SUGCT: variants seen among roughly 807,000 people sequenced by gnomAD.
SUGCT encodes succinyl-CoA:glutarate-CoA transferase.
Under a neutral mutation model 55.0 loss-of-function variants are expected in SUGCT, and 41 were observed. The observed-to-expected ratio is 0.74, with a 90% CI of 0.58 to 0.97. The LOEUF is 0.97. SUGCT is among the 50% of genes least tolerant of loss of function. SUGCT has a pLI of 0.00. For missense variants in SUGCT, 568 were observed against 547.8 expected (o/e 1.04, Z -0.37); for synonymous variants, 187 against 200.4 (o/e 0.93, Z 0.56).
chr7:40,570,963 G>A (rs968979127), intron 12 of SUGCT, among the ~76,000 whole-genome samples: 2 of 144,600 alleles, frequency 1.4e-5, no homozygotes, highest in Middle Eastern at 3.7e-3. Context: ...GGATTCAAGC[G>A]ATTCTCCTGC....
At chr7:40,232,441 T>C (rs1177849451) in intron 6 of SUGCT, among the ~76,000 whole-genome samples, 1 of 152,192 alleles carries the variant, frequency 6.6e-6, no homozygotes, top group Non-Finnish European at 1.5e-5. Context: ...ATTCAATTAC[T>C]TTCTTCTGAG....
intron 12 of SUGCT, among the ~76,000 whole-genome samples, chr7:40,612,110 A>G (rs1360268852): frequency 6.6e-6 from 1 of 151,114 alleles, no homozygotes; most frequent in Non-Finnish European, 1.5e-5. Context: ...TATGTTCATG[A>G]TGTCTCTTGT....
rs551923095 is a variant in SUGCT at position 40,463,163 on chromosome 7, T to C, written c.986+3965T>C. 5.3e-4 allele frequency among the ~76,000 whole-genome samples: 80 copies of C among 152,336 alleles called. 3 individuals carry two copies. The South Asian group carries it at 0.016, about 31-fold the overall frequency. On this transcript the variant is annotated intron_variant, in intron 11 of 13. Coordinates refer to ENST00000335693, the MANE Select transcript of SUGCT (RefSeq NM_001193313.2). ...TTTCCTTTAATACTTATAGACACTT[T>C]CCTTGCCTGATATTTTTATTTTAGA...
the SUGCT span, among the ~76,000 whole-genome samples, chr7:41,011,825 A>G: frequency 6.6e-6 from 1 of 152,194 alleles, no homozygotes. Flanking sequence ...ATTTTTGTAT[A>G]CAGATAGATG....
At chr7:40,349,977 T>G (rs1797529290) in intron 9 of SUGCT, among the ~76,000 whole-genome samples, 1 of 152,182 alleles carries the variant, frequency 6.6e-6, no homozygotes, top group Non-Finnish European at 1.5e-5. Flanking sequence ...TGTGAGCCAC[T>G]GCACCCAGCT....
intron 9 of SUGCT, among the ~76,000 whole-genome samples, chr7:40,377,194 CTTTCTTTTCTTTTCT>C (rs1562728590): frequency 7.9e-4 from 6 of 7,568 alleles, no homozygotes; most frequent in Non-Finnish European, 7.4e-3. Flanking sequence ...TTCTTTCTTT[CTTTCTTTTCTTTTCT>C]TTTCTTTCTT....
intron 9 of SUGCT, among the ~76,000 whole-genome samples, chr7:40,369,552 A>C (rs560195844): frequency 7.2e-4 from 110 of 152,296 alleles, no homozygotes; most frequent in African/African-American, 2.5e-3. Flanking sequence ...GGCTGTTGCA[A>C]GAAGGAAGGA....
the SUGCT span, among the ~76,000 whole-genome samples, chr7:40,918,793 T>A: frequency 6.6e-6 from 1 of 152,216 alleles, no homozygotes; most frequent in Non-Finnish European, 1.5e-5. Context: ...TCTTTGGTAT[T>A]CAAATACTCA....
chr7:40,271,099 C>G (rs1460091702), intron 7 of SUGCT, among the ~76,000 whole-genome samples: 1 of 151,924 alleles, frequency 6.6e-6, no homozygotes. Flanking sequence ...TAGTGGATTC[C>G]TTAGGACTTT....
rs778128318 is a variant in SUGCT, at chr7:40,274,521, T to C, written c.585T>C (p.Asp195=). The change falls in exon 8 of 14, where the codon GAT becomes GAC. Residue 195 remains aspartate (D), a synonymous_variant. Transcript: ENST00000335693. ...LMHITGPENG[D]PVRPGVAMTD... Reference sequence around the variant, plus strand: ...CCCAACCTTCAAATCAGAATGGAGATCCAGTTCGCCCAGGAGTAGCTATGA... The same window carrying C: ...CCCAACCTTCAAATCAGAATGGAGACCCAGTTCGCCCAGGAGTAGCTATGA... 1 of 1,612,644 alleles carries C rather than the reference T, an allele frequency of 6.2e-7. No homozygotes were observed. The highest frequency in any genetic ancestry group is 8.5e-7 in the Non-Finnish European group (1 of 1,179,528).
intron 12 of SUGCT, among the ~76,000 whole-genome samples, chr7:40,569,441 C>T (rs934019984): frequency 8.5e-5 from 13 of 152,156 alleles, no homozygotes; most frequent in African/African-American, 2.4e-4. Flanking sequence ...AGCACATCTC[C>T]GCAGGAACTA....
At chr7:40,190,914 C>A (rs574364356) in intron 5 of SUGCT, among the ~76,000 whole-genome samples, 1 of 152,266 alleles carries the variant, frequency 6.6e-6, no homozygotes, top group South Asian at 2.1e-4. Context: ...TTTCCATCCA[C>A]GTTTGGTTGA....
intron 12 of SUGCT, among the ~76,000 whole-genome samples, chr7:40,619,697 C>G (rs1799175028): frequency 3.3e-5 from 5 of 152,016 alleles, no homozygotes; most frequent in Admixed American, 3.3e-4. Context: ...GAAGTAATTC[C>G]TATCTTTTAT....
At chr7:40,496,451 T>G in intron 12 of SUGCT, 65 bp downstream of exon 12, 14 of 1,047,384 alleles carry the variant, frequency 1.3e-5, no homozygotes, top group Non-Finnish European at 1.9e-5. Context: ...CAAGGTACCT[T>G]TGCCATTGAT....
chr7:40,139,127 A>AAAATAAATAAATAAAT (rs56301316), intron 1 of SUGCT, among the ~76,000 whole-genome samples: 1 of 140,492 alleles, frequency 7.1e-6, no homozygotes, highest in East Asian at 2.1e-4. Flanking sequence ...CTCTGGCTCA[A>AAAATAAATAAATAAAT]AAATAAATAA....
At chr7:40,305,415 T>C (rs1237970350) in intron 8 of SUGCT, among the ~76,000 whole-genome samples, 2 of 152,206 alleles carry the variant, frequency 1.3e-5, no homozygotes, top group Non-Finnish European at 2.9e-5. Context: ...GTGTTCCTGT[T>C]GTGGAGAGAG....
chr7:40,896,881 A>C, the SUGCT span, among the ~76,000 whole-genome samples: 2 of 152,226 alleles, frequency 1.3e-5, no homozygotes, highest in African/African-American at 2.4e-5. Context: ...ATGAAACCGC[A>C]AAAGTCCTCA....
At chr7:40,701,467 C>T (rs1785168874) in intron 12 of SUGCT, among the ~76,000 whole-genome samples, 1 of 152,150 alleles carries the variant, frequency 6.6e-6, no homozygotes, top group Non-Finnish European at 1.5e-5. Flanking sequence ...CCAGGACCAG[C>T]CCTCTCCTTT....
At position 40,676,497 on chromosome 7, in the gene SUGCT, G is replaced by GTT. The variant is rs1280564538; in HGVS notation, c.1090-72932_1090-72931dup. Among the ~76,000 whole-genome samples, 158 of 127,600 alleles carry GTT rather than the reference G, an allele frequency of 1.2e-3. 2 individuals are homozygous for GTT. The highest frequency in any genetic ancestry group is 1.6e-3 in the African/African-American group (46 of 29,456). 83.7% of individuals were successfully genotyped at this position (127,600 alleles called of 152,430 possible). On this transcript the variant is annotated intron_variant, in intron 12 of 13. Transcript: ENST00000335693. ...AAGGAGAAAAATCCCTTGCGGTTTT[G>GTT]TTTTTTGTTTTTTTTTTTTTTTTGA...
Sources: allele counts gnomAD v4.1 joint callset (sites outside exome capture counted in the v4.1 genomes callset), GRCh38; gene constraint gnomAD v4.1.1; transcripts MANE v1.5; gene names NCBI Gene and HGNC (gene_info 2026-07-23, HGNC 2026-07-21).